EPN1: variants seen among roughly 807,000 people sequenced by gnomAD.
EPN1 encodes the protein epsin 1, also known as epsin-1.
A neutral mutation model predicts 56.9 loss-of-function variants in EPN1; 25 were observed. The ratio of observed to expected loss-of-function variants is 0.44; its 90% CI spans 0.32 to 0.61. The LOEUF (loss-of-function observed/expected upper bound fraction) is 0.61. Among genes scored for constraint, EPN1 ranks in the 20% least tolerant of loss-of-function variants. The pLI, the probability that EPN1 is intolerant of heterozygous loss-of-function variation, is 0.05. For missense variants in EPN1, 785 were observed against 823.7 expected (o/e 0.95, Z 0.58); for synonymous variants, 411 against 361.8 (o/e 1.14, Z -1.54).
chr19:55,693,280 GA>G, intron 9 of EPN1: 1 of 511,274 alleles, frequency 2.0e-6, no homozygotes, highest in Non-Finnish European at 3.5e-6. Flanking sequence ...TTTCCCACCC[GA>G]ATGTTGACCT....
rs888009510 is a variant in EPN1, at chr19:55,704,724, T to G, written c.*9368T>G. 3.9e-5 allele frequency: 6 copies of G among 152,710 alleles called. No homozygotes were observed. The highest frequency in any genetic ancestry group is 1.4e-4 in the African/African-American group (6 of 41,472). 9.5% of individuals were successfully genotyped at this position (152,710 alleles called of 1,614,324 possible). A position where few individuals can be genotyped will look rare whatever the true frequency, so the allele number is the denominator to read the frequency against. On this transcript the variant is annotated 3_prime_UTR_variant, in exon 11 of 11. Coordinates refer to ENST00000270460, the MANE Select transcript of EPN1 (RefSeq NM_001130072.2). ...CACGCATGTGTCTCTCCCGAGTCCC[T>G]GGAGGGTCCTGCCACCTACATCTCT... is the stretch of plus-strand genomic sequence containing the variant.
Position 55,693,052 on chromosome 19 carries a change from T to TC in EPN1, c.1264+19dup, listed in dbSNP as rs1346313236. 8.7e-6 allele frequency: 14 copies of TC among 1,608,042 alleles called. No individual in the cohort carries two copies. The highest frequency in any genetic ancestry group is 1.2e-5 in the Non-Finnish European group (14 of 1,175,602). ...GAGCAGCGCAGGTGAGCCCCTGCCC[T>TC]CCCCTGCCCAGTGGCGAGAGGGAGC... is the stretch of plus-strand genomic sequence containing the variant. On this transcript the variant is annotated intron_variant, in intron 9 of 10. Coordinates refer to ENST00000270460, the MANE Select transcript of EPN1 (RefSeq NM_001130072.2).
At position 55,692,760 on chromosome 19, in the gene EPN1, G is replaced by A. The variant is rs747304856; in HGVS notation, c.1141G>A (p.Gly381Arg). 6.3e-6 allele frequency: 10 copies of A among 1,589,790 alleles called. No individual in the cohort carries two copies. The East Asian group carries it at 1.8e-4, about 29-fold the overall frequency. The change falls in exon 8 of 11, where the codon GGG (glycine) becomes AGG (arginine). Residue 381 changes from glycine to arginine, a missense_variant. By Grantham distance (125) the Gly-to-Arg change is moderately radical (BLOSUM62 -2). This residue lies in a region of EPN1 where 650 missense variants were observed against 605.0 expected (regional missense o/e 1.07). Transcript: ENST00000270460. Reference sequence around the variant, plus strand: ...CCCGGCCTTCTCAGATCCCTGGGGAGGGTCACCTGCCAAGCCCAGCACCAA... The same window carrying A: ...CCCGGCCTTCTCAGATCCCTGGGGAAGGTCACCTGCCAAGCCCAGCACCAA... ...PAPAFSDPWGGSPAKPSTNGT... is the reference protein window; with the variant it reads ...PAPAFSDPWGRSPAKPSTNGT...
At chr19:55,693,708 G>A (rs992949063) in intron 9 of EPN1, among the ~76,000 whole-genome samples, 6 of 152,158 alleles carry the variant, frequency 3.9e-5, no homozygotes, top group Admixed American at 3.9e-4. Context: ...TGAGCTGTTA[G>A]TGAAGAGCAG....
chr19:55,706,300 A>T lies in EPN1; in HGVS notation c.*10944A>T, dbSNP rs111380059. The T allele has an allele frequency of 5.4e-3, 373 of 69,058 alleles. 1 individual carries two copies. Among genetic ancestry groups the T allele is most frequent in the African/African-American group, 0.029 (292 of 10,220 alleles). 4.3% of individuals were successfully genotyped at this position (69,058 alleles called of 1,614,324 possible). ...TTCTTCTTCTTTTTTTTTTTTTTTT[A>T]AAAGACCGTGTTTCGCTCTGTCACC... On this transcript the variant is annotated 3_prime_UTR_variant, in exon 11 of 11. Transcript: ENST00000270460.
At chr19:55,679,218 C>T (rs1033192695) in intron 2 of EPN1, among the ~76,000 whole-genome samples, 17 of 152,226 alleles carry the variant, frequency 1.1e-4, no homozygotes, top group South Asian at 2.1e-4. Context: ...GTGTGCTCCC[C>T]GTGGCACAGG....
Position 55,704,135 on chromosome 19 carries a change from C to G in EPN1, c.*8779C>G, listed in dbSNP as rs1375254942. The stretch of plus-strand genomic sequence containing the variant: ...CCGGTCTCCTCCTGGTCCCCACCTT[C>G]CAGCCCAGCGCGCACACTAGACGGC... On this transcript the variant is annotated 3_prime_UTR_variant, in exon 11 of 11. Coordinates refer to ENST00000270460, the MANE Select transcript of EPN1 (RefSeq NM_001130072.2). The G allele has an allele frequency of 6.6e-6, 1 of 152,558 alleles. No individual in the cohort carries two copies. The highest frequency in any genetic ancestry group is 2.4e-5 in the African/African-American group (1 of 41,456). 9.5% of individuals were successfully genotyped at this position (152,558 alleles called of 1,614,324 possible).
chr19:55,693,015 G>T lies in EPN1; in HGVS notation c.1242G>T (p.Leu414=). 6.2e-7 allele frequency: 1 copy of T among 1,613,194 alleles called. No homozygotes were observed. The part of the protein sequence containing the change: ...FSDFDRLRTA[L]PTSGSSAGEL... Reference sequence around the variant, plus strand: ...ACTTTGACCGACTCCGCACGGCACTGCCGACCTCCGGGAGCAGCGCAGGTG... The same window carrying T: ...ACTTTGACCGACTCCGCACGGCACTTCCGACCTCCGGGAGCAGCGCAGGTG... Residue 414 remains leucine, a synonymous_variant, in exon 9 of 11, where the codon CTG becomes CTT. Coordinates refer to ENST00000270460, the MANE Select transcript of EPN1 (RefSeq NM_001130072.2).
In EPN1 at chr19:55,698,217, T is replaced by A. The variant is rs8106580; in HGVS notation, c.*2861T>A. On this transcript the variant is annotated 3_prime_UTR_variant, in exon 11 of 11. Coordinates refer to ENST00000270460, the MANE Select transcript of EPN1 (RefSeq NM_001130072.2). The stretch of plus-strand genomic sequence containing the variant: ...GGATGGGCCTAGGAGGAGGTTCAGA[T>A]CCCTCAGGTTTGGCTAAGCAAGAGT... 100,887 of 151,354 alleles carry A rather than the reference T, an allele frequency of 0.67. 35,342 individuals are homozygous for A. Among genetic ancestry groups the A allele is most frequent in the African/African-American group, 0.88 (36,231 of 41,144 alleles). The allele number at this position is 151,354 out of a possible 1,614,324, so 9.4% of individuals were successfully genotyped here.
Position 55,692,783 on chromosome 19 carries a change from C to A in EPN1, c.1164C>A (p.Thr388=). 1 of 1,596,910 alleles carries A rather than the reference C, an allele frequency of 6.3e-7. No individual in the cohort carries two copies. ...PWGGSPAKPS[T]NGTTAAGGFD... The stretch of plus-strand genomic sequence containing the variant: ...GAGGGTCACCTGCCAAGCCCAGCAC[C>A]AATGGCACAACAGGTACTGGAATGG... Residue 388 remains threonine, a synonymous_variant, in exon 8 of 11, where the codon ACC becomes ACA. Transcript: ENST00000270460.
chr19:55,692,911 G>T (rs886716933), intron 8 of EPN1, 40 bp from the exon 9 acceptor site: 3 of 1,609,766 alleles, frequency 1.9e-6, no homozygotes, highest in African/African-American at 1.3e-5. Flanking sequence ...CTGAGGCGGG[G>T]CCCCAGGGAG....
chr19:55,689,859 C>G lies in EPN1; in HGVS notation c.679-8C>G. The G allele has an allele frequency of 1.9e-6, 3 of 1,597,052 alleles. No individual in the cohort carries two copies. The highest frequency in any genetic ancestry group is 2.6e-6 in the Non-Finnish European group (3 of 1,172,356). ...CATGTCTCCCTGGTCGTGCCCGTGCCCCAACAGGAGGAGCGGATCCGTCGC... is the reference window on the plus strand; with the variant it reads ...CATGTCTCCCTGGTCGTGCCCGTGCGCCAACAGGAGGAGCGGATCCGTCGC... On this transcript the variant is annotated splice_region_variant and splice_polypyrimidine_tract_variant and intron_variant, in intron 5 of 10. Coordinates refer to ENST00000270460, the MANE Select transcript of EPN1 (RefSeq NM_001130072.2). The surrounding 1 kb of genome is among the most constrained non-coding windows in gnomAD (Gnocchi z 5.7).
In EPN1 at chr19:55,700,713, C is replaced by T. The variant is rs573571442; in HGVS notation, c.*5357C>T. 6.6e-6 allele frequency: 1 copy of T among 152,398 alleles called. No homozygotes were observed. Among genetic ancestry groups the T allele is most frequent in the South Asian group, 2.1e-4 (1 of 4,830 alleles). The allele number at this position is 152,398 out of a possible 1,614,324, so 9.4% of individuals were successfully genotyped here. On this transcript the variant is annotated 3_prime_UTR_variant, in exon 11 of 11. Transcript: ENST00000270460. ...CTACAGCCTCCTCATGGCCCCTCCC[C>T]TGGAGCACTTAAAAATGGTAATGAC... is the stretch of plus-strand genomic sequence containing the variant.
In EPN1 at chr19:55,696,267, G is replaced by C. The variant is rs1217250152; in HGVS notation, c.*911G>C. On this transcript the variant is annotated 3_prime_UTR_variant, in exon 11 of 11. Coordinates refer to ENST00000270460, the MANE Select transcript of EPN1 (RefSeq NM_001130072.2). ...TGTCCTCTGTGTGCTGTTTTCCTCT[G>C]TGTGCTCTTGTCCTGGGCTGGACCA... 1 of 152,370 alleles carries C rather than the reference G, an allele frequency of 6.6e-6. No individual in the cohort carries two copies. The highest frequency in any genetic ancestry group is 1.5e-5 in the Non-Finnish European group (1 of 68,162). 9.4% of individuals were successfully genotyped at this position (152,370 alleles called of 1,614,324 possible).
At chr19:55,675,804 C>G (rs910440059) in intron 1 of EPN1, among the ~76,000 whole-genome samples, 5 of 152,074 alleles carry the variant, frequency 3.3e-5, no homozygotes, top group African/African-American at 1.2e-4. Context: ...TCTTCTTTTC[C>G]CTAGGTGTCT....
chr19:55,691,589 G>A lies in EPN1; in HGVS notation c.763-165G>A, dbSNP rs1986548623. Among the ~76,000 whole-genome samples, 1 of 152,030 alleles carries A rather than the reference G, an allele frequency of 6.6e-6. No homozygotes were observed. Among genetic ancestry groups the A allele is most frequent in the Non-Finnish European group, 1.5e-5 (1 of 67,960 alleles). Reference sequence around the variant, plus strand: ...CGACCCCATGACGGATGAGGAGGGAGGCCAGGTGGTGTGTTTGGGGCCTGC... The same window carrying A: ...CGACCCCATGACGGATGAGGAGGGAAGCCAGGTGGTGTGTTTGGGGCCTGC... On this transcript the variant is annotated intron_variant, in intron 6 of 10. Transcript: ENST00000270460. This position sits in a 1 kb window ranked among gnomAD's most constrained non-coding sequence, Gnocchi z 5.6.
At chr19:55,693,149 G>A (rs1986691343) in intron 9 of EPN1, 112 bp downstream of exon 9, 2 of 1,011,030 alleles carry the variant, frequency 2.0e-6, no homozygotes, top group Non-Finnish European at 3.0e-6. Flanking sequence ...GCTGGACTTA[G>A]GGATGAAAAG....
intron 8 of EPN1, 67 bp from the exon 9 acceptor site, chr19:55,692,884 T>C: frequency 6.3e-7 from 1 of 1,597,654 alleles, no homozygotes; most frequent in Middle Eastern, 1.7e-4. Flanking sequence ...GGTGGACGCC[T>C]GGACTGGAGG....
rs947250196 is a variant in EPN1, at chr19:55,697,893, T to C, written c.*2537T>C. On this transcript the variant is annotated 3_prime_UTR_variant, in exon 11 of 11. Coordinates refer to ENST00000270460, the MANE Select transcript of EPN1 (RefSeq NM_001130072.2). ...ACTCTTTCTACAGCAGATGTGTCTC[T>C]CTCCCCACAGTGGGATGGCGAGCTT... 5 of 152,070 alleles carry C rather than the reference T, an allele frequency of 3.3e-5. No homozygotes were observed. Among genetic ancestry groups the C allele is most frequent in the African/African-American group, 1.2e-4 (5 of 41,374 alleles). 9.4% of individuals were successfully genotyped at this position (152,070 alleles called of 1,614,324 possible). A position where few individuals can be genotyped will look rare whatever the true frequency, so the allele number is the denominator to read the frequency against.
Sources: gnomAD v4.1 joint callset for allele counts (sites outside exome capture counted in the v4.1 genomes callset) on GRCh38, gnomAD v4.1.1 for gene constraint, gnomAD v4.1.1 regional missense constraint, Gnocchi (gnomAD v3.1) non-coding constraint, MANE v1.5 for transcripts, NCBI Gene and HGNC (gene_info 2026-07-23, HGNC 2026-07-21) for gene names.